RDX: variants seen among roughly 807,000 people sequenced by gnomAD.
The protein encoded by RDX is radixin.
In RDX, 32 loss-of-function variants were observed where a neutral mutation model predicts 83.7. The observed-to-expected ratio is 0.38, with a 90% CI of 0.29 to 0.51. The LOEUF (loss-of-function observed/expected upper bound fraction) is 0.51. Ranked by LOEUF, RDX falls within the 20% of genes least tolerant of loss-of-function variation. The probability of loss-of-function intolerance (pLI) is 0.87; values close to 1 mark genes in which losing one functional copy is unlikely to be tolerated. For synonymous variants in RDX, 229 were observed against 222.7 expected, an observed-to-expected ratio of 1.03 and a Z score of -0.25; for missense variants, 600 against 689.9, an observed-to-expected ratio of 0.87 and a Z score of 1.46.
intron 14 of RDX, among the ~76,000 whole-genome samples, chr11:110,211,993 A>G (rs1456853137): frequency 7.0e-6 from 1 of 142,600 alleles, no homozygotes; most frequent in Non-Finnish European, 1.5e-5. Context: ...TCAGAGCAGA[A>G]CTGAAGGAAA....
chr11:110,285,835 A>G lies in RDX; in HGVS notation c.-64-6079T>C, dbSNP rs371049766. ...TTTCATAAAATGTCACATGGAAAAC[A>G]AAGAAACCTAGATGCATATCCTGGG... On this transcript the variant is annotated intron_variant, in intron 1 of 13. Coordinates refer to ENST00000645495, the MANE Select transcript of RDX (RefSeq NM_002906.4). Among the ~76,000 whole-genome samples, 12 of 152,140 alleles carry G rather than the reference A, an allele frequency of 7.9e-5. No homozygotes were observed. In the South Asian group the frequency reaches 1.0e-3, roughly 13 times the overall value.
intron 2 of RDX, 141 bp downstream of exon 2, chr11:110,279,540 A>G: frequency 1.6e-6 from 1 of 635,466 alleles, no homozygotes; most frequent in Non-Finnish European, 2.8e-6. Context: ...TAATTTGGCC[A>G]CATTAATCTA....
At chr11:110,263,657 T>C (rs1006189011) in intron 5 of RDX, among the ~76,000 whole-genome samples, 2 of 151,790 alleles carry the variant, frequency 1.3e-5, no homozygotes, top group Middle Eastern at 3.4e-3. Context: ...GCTCAGGAGT[T>C]TGAGACCAGC....
At chr11:110,204,481 G>A (rs1262849243) in intron 14 of RDX, among the ~76,000 whole-genome samples, 1 of 149,452 alleles carries the variant, frequency 6.7e-6, no homozygotes, top group Non-Finnish European at 1.5e-5. Flanking sequence ...ATATTGTACA[G>A]CTGTAATTAC....
At chr11:110,224,329 C>T (rs992676788) in intron 14 of RDX, among the ~76,000 whole-genome samples, 12 of 152,002 alleles carry the variant, frequency 7.9e-5, no homozygotes, top group Non-Finnish European at 1.5e-5. Flanking sequence ...TTGTTATAAG[C>T]ATTATTCTGA....
chr11:110,258,025 G>C, intron 6 of RDX, 81 bp downstream of exon 6: 1 of 1,479,162 alleles, frequency 6.8e-7, no homozygotes, highest in Non-Finnish European at 9.4e-7. Context: ...CAATCTTTTG[G>C]AAATAATGTA....
At chr11:110,178,504 T>A (rs1334836197) in intron 15 of RDX, among the ~76,000 whole-genome samples, 3 of 152,152 alleles carry the variant, frequency 2.0e-5, no homozygotes, top group Non-Finnish European at 4.4e-5. Flanking sequence ...GAGATCACCG[T>A]CTAAGTCAGG....
At position 110,241,768 on chromosome 11, in the gene RDX, A is replaced by G. The variant is rs751444272; in HGVS notation, c.1091-4116T>C. 1.1e-4 allele frequency among the ~76,000 whole-genome samples: 17 copies of G among 152,216 alleles called. 1 individual carries two copies. Among genetic ancestry groups the G allele is most frequent in the Non-Finnish European group, 5.9e-5 (4 of 68,040 alleles). ...CATGTTCATAACAGTATTATTCACA[A>G]TAACTAAAACACAAAAGCAACCTGA... On this transcript the variant is annotated intron_variant, in intron 10 of 13. Coordinates refer to ENST00000645495, the MANE Select transcript of RDX (RefSeq NM_002906.4).
At chr11:110,181,436 G>A (rs1475485224) in intron 15 of RDX, among the ~76,000 whole-genome samples, 2 of 152,138 alleles carry the variant, frequency 1.3e-5, no homozygotes. Context: ...TGCTGGGATT[G>A]CAGGCGTGAG....
chr11:110,289,336 G>A (rs1248228367), intron 1 of RDX, among the ~76,000 whole-genome samples: 1 of 150,044 alleles, frequency 6.7e-6, no homozygotes. Context: ...TTTCAATTAA[G>A]TTGACAATCA....
chr11:110,225,783 A>T (rs2134284410), downstream of RDX, among the ~76,000 whole-genome samples: 1 of 152,274 alleles, frequency 6.6e-6, no homozygotes, highest in South Asian at 2.1e-4. Context: ...GCGATGGCTG[A>T]CGCCTGTAAT....
chr11:110,294,702 G>A (rs1259782437), intron 1 of RDX, among the ~76,000 whole-genome samples: 1 of 151,114 alleles, frequency 6.6e-6, no homozygotes, highest in Non-Finnish European at 1.5e-5. Context: ...TTGACTTTCA[G>A]TTAATTAATC....
intron 14 of RDX, among the ~76,000 whole-genome samples, chr11:110,219,364 G>A (rs565437397): frequency 2.0e-5 from 3 of 152,300 alleles, no homozygotes; most frequent in South Asian, 2.1e-4. Context: ...GCAAATGACC[G>A]CTGAAAAGAA....
intron 1 of RDX, among the ~76,000 whole-genome samples, chr11:110,281,895 G>GT (rs1481593152): frequency 7.2e-6 from 1 of 139,492 alleles, no homozygotes; most frequent in East Asian, 2.4e-4. Flanking sequence ...GAGCCCAGGA[G>GT]TTTGAGACCA....
intron 5 of RDX, among the ~76,000 whole-genome samples, chr11:110,259,620 G>T (rs1216999097): frequency 6.6e-6 from 1 of 152,044 alleles, no homozygotes; most frequent in East Asian, 1.9e-4. Flanking sequence ...CTTGCTTTTG[G>T]GGAGAAGAGT....
chr11:110,281,995 A>G (rs140497797), intron 1 of RDX, among the ~76,000 whole-genome samples: 140 of 149,890 alleles, frequency 9.3e-4, no homozygotes, highest in Non-Finnish European at 1.7e-3. Flanking sequence ...AGGCATGGTG[A>G]TGGAAGGAAT....
chr11:110,190,598 A>G lies in RDX; in HGVS notation c.*31+8983T>C, dbSNP rs1377858130. Reference sequence around the variant, plus strand: ...CAGGAGAAAAGAAATAACTAAAATCAGAGCAGAACTGACATTGAGGCCCAA... The same window carrying G: ...CAGGAGAAAAGAAATAACTAAAATCGGAGCAGAACTGACATTGAGGCCCAA... On this transcript the variant is annotated intron_variant, in intron 15 of 15. Coordinates refer to the RDX transcript ENST00000528498. Among the ~76,000 whole-genome samples the G allele has an allele frequency of 4.6e-5, 7 of 152,352 alleles. No homozygotes were observed. In the East Asian group the frequency reaches 1.2e-3, roughly 25 times the overall value.
chr11:110,199,677 A>C, exon 15 of RDX: 1 of 703,026 alleles, frequency 1.4e-6, no homozygotes, highest in Non-Finnish European at 2.6e-6. Flanking sequence ...TTGGGTCCCC[A>C]CCTTTCAAAA....
At chr11:110,236,272 G>T in intron 11 of RDX, 81 bp from the exon 12 acceptor site, 1 of 1,001,326 alleles carries the variant, frequency 1.0e-6, no homozygotes, top group Non-Finnish European at 1.5e-6. Context: ...TAATGCACAT[G>T]CTTAGGCTGT....
Sources: gnomAD v4.1 joint callset for allele counts (sites outside exome capture counted in the v4.1 genomes callset) on GRCh38, gnomAD v4.1.1 for gene constraint, MANE v1.5 for transcripts, NCBI Gene and HGNC (gene_info 2026-07-23, HGNC 2026-07-21) for gene names.